The following TRPM1 variants were observed in gnomAD, a reference collection of about 807,000 sequenced individuals.
TRPM1 encodes TRPM1-203 APA Isoform, Intron 10.
A neutral mutation model predicts 149.4 loss-of-function variants in TRPM1; 113 were observed. The observed-to-expected ratio is 0.76, with a 90% CI of 0.65 to 0.88. The LOEUF (loss-of-function observed/expected upper bound fraction) is 0.88, where lower values mean the gene tolerates loss of function less well. Among genes scored for constraint, TRPM1 ranks in the 40% least tolerant of loss-of-function variants. TRPM1 has a pLI of 0.00. For synonymous variants in TRPM1, 741 were observed against 759.5 expected (o/e 0.98, Z 0.40); for missense variants, 1,976 against 2,038.7 (o/e 0.97, Z 0.59).
At chr15:31,055,034 A>G (rs926545286) in intron 11 of TRPM1, among the ~76,000 whole-genome samples, 19 of 152,176 alleles carry the variant, frequency 1.2e-4, no homozygotes, top group Non-Finnish European at 7.4e-5. Context: ...TTTGTCTAGT[A>G]ATATATAGCA....
intron 27 of TRPM1, among the ~76,000 whole-genome samples, chr15:31,025,193 C>T (rs2032681868): frequency 1.3e-5 from 2 of 152,192 alleles, no homozygotes; most frequent in South Asian, 4.1e-4. Context: ...GAAAGCAGAG[C>T]TAGGCATGGC....
At chr15:31,011,927 G>A (rs2032198593) in intron 27 of TRPM1, among the ~76,000 whole-genome samples, 1 of 152,136 alleles carries the variant, frequency 6.6e-6, no homozygotes, top group African/African-American at 2.4e-5. Context: ...GCCTCCCAAA[G>A]TGCTGGGATT....
chr15:31,151,358 G>A (rs1046126710), intron 1 of TRPM1, among the ~76,000 whole-genome samples: 2 of 152,146 alleles, frequency 1.3e-5, no homozygotes, highest in South Asian at 2.1e-4. Context: ...TAAACAAAGC[G>A]GCCAAGTGTT....
At chr15:31,060,033 G>T (rs2034182513) in intron 11 of TRPM1, among the ~76,000 whole-genome samples, 1 of 151,400 alleles carries the variant, frequency 6.6e-6, no homozygotes, top group Non-Finnish European at 1.5e-5. Context: ...ACCACCCATG[G>T]CCACACACAT....
chr15:31,007,798 C>A (rs2032051154), intron 27 of TRPM1, among the ~76,000 whole-genome samples: 1 of 152,210 alleles, frequency 6.6e-6, no homozygotes, highest in African/African-American at 2.4e-5. Context: ...CACGTTGAGT[C>A]TTCCAATACA....
chr15:31,154,022 A>T lies in TRPM1; in HGVS notation c.54+6884T>A, dbSNP rs569705435. ...AGTGTGTTCCAAGCATGGGCTGCAA[A>T]CTGTTGGCTACTGGCCATACCCAGA... is the stretch of plus-strand genomic sequence containing the variant. On this transcript the variant is annotated intron_variant, in intron 1 of 26. Transcript: ENST00000542188. 6.0e-4 allele frequency among the ~76,000 whole-genome samples: 91 copies of T among 152,302 alleles called. No individual in the cohort carries two copies. The South Asian group carries it at 0.013, about 22-fold the overall frequency.
chr15:31,072,018 T>TATAG (rs1400392427), intron 3 of TRPM1, among the ~76,000 whole-genome samples: 49 of 36,900 alleles, frequency 1.3e-3, no homozygotes, highest in Non-Finnish European at 1.8e-3. Flanking sequence ...TATATATATA[T>TATAG]AGAGAGAGAG....
intron 1 of TRPM1, among the ~76,000 whole-genome samples, chr15:31,088,634 A>G (rs2035083753): frequency 6.6e-6 from 1 of 152,218 alleles, no homozygotes; most frequent in Non-Finnish European, 1.5e-5. Context: ...CTGAAGGAAC[A>G]AACTGCGGAC....
At position 31,002,076 on chromosome 15, in the gene TRPM1, G is replaced by A. The variant is rs774469194; in HGVS notation, c.4624C>T (p.Arg1542Cys). The A allele has an allele frequency of 1.7e-5, 27 of 1,614,094 alleles. No individual in the cohort carries two copies. Among genetic ancestry groups the A allele is most frequent in the African/African-American group, 4.0e-5 (3 of 74,930 alleles). Residue 1542 changes from arginine (R) to cysteine (C), a missense_variant, in exon 28 of 28, where the codon CGC becomes TGC. Coordinates refer to ENST00000256552, the MANE Select transcript of TRPM1 (RefSeq NM_001252024.2). ...HVAEAIPRIP[R>C]LSLTITDRNG... ...CTGTCAGTAATGGTTAGGGACAAGC[G>A]AGGGATTCGAGGAATTGCTTCAGCG... is the stretch of plus-strand genomic sequence containing the variant.
rs1412079218 is a variant in TRPM1 at position 31,070,060 on chromosome 15, G to A, written c.250C>T (p.Gln84Ter). 6.2e-7 allele frequency: 1 copy of A among 1,614,056 alleles called. No homozygotes were observed. Among genetic ancestry groups the A allele is most frequent in the South Asian group, 1.1e-5 (1 of 91,090 alleles). The change falls in exon 4 of 28, where the codon CAG (glutamine) becomes TAG (stop). Residue 84 changes from glutamine to a stop codon, truncating the protein, a stop_gained. Coordinates refer to ENST00000256552, the MANE Select transcript of TRPM1 (RefSeq NM_001252024.2). LOFTEE classifies it high-confidence loss of function. ...PTDSYGVLEFQGGGYSNKAMY... is the reference protein window; with the variant it reads ...PTDSYGVLEF ...GCTTTATTGGAATATCCGCCACCCT[G>A]GAATTCAAGAACTCCATAGGAATCT...
chr15:31,063,100 G>A lies in TRPM1; in HGVS notation c.965+18C>T, dbSNP rs371391634. ...GGGAGTTACGAACCCGCCCTTCCTC[G>A]CGCGTCAGAAATCCTACCCGCCTTC... is the stretch of plus-strand genomic sequence containing the variant. On this transcript the variant is annotated intron_variant, in intron 8 of 27. Coordinates refer to ENST00000256552, the MANE Select transcript of TRPM1 (RefSeq NM_001252024.2). The A allele has an allele frequency of 1.2e-5, 19 of 1,613,880 alleles. No individual in the cohort carries two copies. Among genetic ancestry groups the A allele is most frequent in the East Asian group, 6.7e-5 (3 of 44,888 alleles).
chr15:31,090,168 A>G (rs1426888013), intron 1 of TRPM1, among the ~76,000 whole-genome samples: 4 of 152,152 alleles, frequency 2.6e-5, no homozygotes, highest in Non-Finnish European at 4.4e-5. Flanking sequence ...CTCAGCACAC[A>G]TGCTCTCGTA....
At chr15:31,063,083 C>T (rs764821961) in intron 8 of TRPM1, 35 bp downstream of exon 8, 35 of 1,613,336 alleles carry the variant, frequency 2.2e-5, no homozygotes, top group Non-Finnish European at 2.7e-5. Context: ...GAGGGAGTTA[C>T]GAACCCGCCC....
intron 6 of TRPM1, among the ~76,000 whole-genome samples, chr15:31,066,847 G>A (rs565214176): frequency 1.1e-4 from 16 of 152,248 alleles, no homozygotes; most frequent in Admixed American, 2.6e-4. Context: ...AGGGATCCTC[G>A]TGTTGATGGA....
intron 7 of TRPM1, chr15:31,065,128 A>C (rs368632856): frequency 1.9e-6 from 1 of 534,708 alleles, no homozygotes; most frequent in Non-Finnish European, 3.8e-6. Context: ...CCCACAAGTC[A>C]CATGGCCAGG....
chr15:31,078,218 T>A (rs1303612619), intron 2 of TRPM1, among the ~76,000 whole-genome samples: 2 of 152,130 alleles, frequency 1.3e-5, no homozygotes, highest in African/African-American at 4.8e-5. Context: ...CCCATTTACC[T>A]AAGCAGCAGT....
intron 1 of TRPM1, among the ~76,000 whole-genome samples, chr15:31,136,752 T>TC (rs1391725179): frequency 6.6e-6 from 1 of 150,846 alleles, no homozygotes; most frequent in Non-Finnish European, 1.5e-5. Context: ...CCCCACCCTT[T>TC]TTTTTTTTTT....
chr15:31,023,132 C>T (rs1482851553), intron 27 of TRPM1, among the ~76,000 whole-genome samples: 1 of 152,230 alleles, frequency 6.6e-6, no homozygotes, highest in Non-Finnish European at 1.5e-5. Flanking sequence ...CTTCATGCAG[C>T]TTAAGGCCTG....
At chr15:31,084,123 C>T (rs1596052525) in intron 1 of TRPM1, among the ~76,000 whole-genome samples, 1 of 152,172 alleles carries the variant, frequency 6.6e-6, no homozygotes, top group African/African-American at 2.4e-5. Flanking sequence ...GAGAGATCCT[C>T]CTCTAGACTA....
Sources: gnomAD v4.1 joint callset for allele counts (sites outside exome capture counted in the v4.1 genomes callset) on GRCh38, gnomAD v4.1.1 for gene constraint, MANE v1.5 for transcripts, NCBI Gene and HGNC (gene_info 2026-07-23, HGNC 2026-07-21) for gene names.